Variants in ROBO2 observed in about 807,000 individuals in gnomAD.
ROBO2 encodes the protein roundabout homolog 2.
A neutral mutation model predicts 160.8 loss-of-function variants in ROBO2; 53 were observed. The observed-to-expected ratio is 0.33, with a 90% confidence interval of 0.26 to 0.41. ROBO2 has a LOEUF of 0.41. Among genes scored for constraint, ROBO2 ranks in the 10% least tolerant of loss-of-function variants. ROBO2 has a pLI of 1.00. For missense variants in ROBO2, 1,577 were observed against 1,722.4 expected (o/e 0.92, Z 1.49); for synonymous variants, 664 against 611.7 (o/e 1.09, Z -1.26).
chr3:76,365,879 T>A (rs1217285510), intron 2 of ROBO2, among the ~76,000 whole-genome samples: 1 of 152,200 alleles, frequency 6.6e-6, no homozygotes, highest in East Asian at 1.9e-4. Flanking sequence ...AGTGTTCTTT[T>A]CAAAACCAAA....
At chr3:76,062,222 A>G (rs745600533) in intron 2 of ROBO2, among the ~76,000 whole-genome samples, 5 of 152,196 alleles carry the variant, frequency 3.3e-5, no homozygotes, top group African/African-American at 1.2e-4. Flanking sequence ...TTTGAAAGGC[A>G]TAACTGATTT....
chr3:76,894,444 G>C (rs2074609263), intron 2 of ROBO2, among the ~76,000 whole-genome samples: 1 of 152,008 alleles, frequency 6.6e-6, no homozygotes, highest in Non-Finnish European at 1.5e-5. Flanking sequence ...ACGACATTGT[G>C]TTGATATATT....
intron 2 of ROBO2, among the ~76,000 whole-genome samples, chr3:76,423,267 G>A (rs544897645): frequency 7.2e-5 from 11 of 152,296 alleles, no homozygotes; most frequent in East Asian, 5.8e-4. Flanking sequence ...GCTGAGAAGC[G>A]CTCCATAACT....
intron 11 of ROBO2, 103 bp downstream of exon 12, chr3:77,563,432 C>A: frequency 1.8e-6 from 2 of 1,123,194 alleles, no homozygotes; most frequent in Non-Finnish European, 2.7e-6. Flanking sequence ...CATGTCCAAT[C>A]AATGCATTTT....
rs111886603 is a variant in ROBO2, at chr3:75,951,154, C to T, written c.109+13552C>T. On this transcript the variant is annotated intron_variant, in intron 2 of 26. Coordinates refer to the ROBO2 transcript ENST00000487694. ...ATTAACCATCCCCAATTTATCCCCC[C>T]TGTATGCGTGTATCAAAACATCACA... 6.3e-3 allele frequency among the ~76,000 whole-genome samples: 963 copies of T among 152,052 alleles called. 11 individuals carry two copies. Among genetic ancestry groups the T allele is most frequent in the African/African-American group, 0.023 (934 of 41,504 alleles).
chr3:76,415,307 C>G (rs3849487), intron 2 of ROBO2, among the ~76,000 whole-genome samples: 96,694 of 151,932 alleles, frequency 0.64, 31,323 homozygotes, highest in African/African-American at 0.77. Context: ...TGAAGGGTAA[C>G]AGAAATTATG....
chr3:76,355,133 G>A (rs2075087838), intron 2 of ROBO2, among the ~76,000 whole-genome samples: 1 of 151,346 alleles, frequency 6.6e-6, no homozygotes, highest in Non-Finnish European at 1.5e-5. Flanking sequence ...AAGCGACTTA[G>A]TTTCTGTCTT....
intron 2 of ROBO2, among the ~76,000 whole-genome samples, chr3:76,695,716 G>A (rs1275732275): frequency 6.6e-6 from 1 of 152,072 alleles, no homozygotes; most frequent in Non-Finnish European, 1.5e-5. Flanking sequence ...ACCATTCAGA[G>A]GGAGGTACCA....
chr3:77,045,531 T>C lies in ROBO2; in HGVS notation c.61+4685T>C, dbSNP rs374563609. 7.0e-4 allele frequency among the ~76,000 whole-genome samples: 107 copies of C among 152,338 alleles called. 4 individuals carry two copies. In the East Asian group the frequency reaches 0.012, roughly 18 times the overall value. On this transcript the variant is annotated intron_variant, in intron 1 of 25. Coordinates refer to ENST00000461745, the Ensembl canonical transcript of ROBO2. ...CTGACTACTTGACGTCTTTGCTTCA[T>C]GTCCAATGAGAATGTACAAAACTCA...
intron 2 of ROBO2, among the ~76,000 whole-genome samples, chr3:76,970,744 A>G (rs2059534289): frequency 6.6e-6 from 1 of 152,204 alleles, no homozygotes; most frequent in African/African-American, 2.4e-5. Flanking sequence ...AAATATACAC[A>G]TGTAAAAATG....
intron 2 of ROBO2, among the ~76,000 whole-genome samples, chr3:77,032,655 C>T (rs1240691475): frequency 6.6e-6 from 1 of 152,102 alleles, no homozygotes; most frequent in Non-Finnish European, 1.5e-5. Context: ...AGACACATTA[C>T]AAGACATCTG....
At chr3:77,477,442 C>T in exon 3 of ROBO2, 2 of 1,613,892 alleles carry the variant, frequency 1.2e-6, no homozygotes, top group African/African-American at 1.3e-5. Context: ...GACAAAACCC[C>T]ACAGATGTTG....
chr3:77,534,040 T>C (rs774444446), intron 6 of ROBO2, among the ~76,000 whole-genome samples: 37 of 152,158 alleles, frequency 2.4e-4, no homozygotes, highest in Admixed American at 5.2e-4. Flanking sequence ...ACAATGATGT[T>C]AGATAATTTT....
At chr3:77,432,555 A>G (rs2153542970) in intron 2 of ROBO2, among the ~76,000 whole-genome samples, 1 of 152,222 alleles carries the variant, frequency 6.6e-6, no homozygotes, top group East Asian at 1.9e-4. Flanking sequence ...TCACCCCCTG[A>G]TTTAATAAGT....
chr3:76,295,220 GA>G (rs527385661), intron 2 of ROBO2, among the ~76,000 whole-genome samples: 11 of 151,564 alleles, frequency 7.3e-5, no homozygotes, highest in East Asian at 3.9e-4. Context: ...ATTATTTATT[GA>G]AAAAAAAGTG....
chr3:76,104,161 A>G (rs1333867595), intron 2 of ROBO2, among the ~76,000 whole-genome samples: 4 of 152,196 alleles, frequency 2.6e-5, no homozygotes, highest in Non-Finnish European at 5.9e-5. Flanking sequence ...ACTTCTAGAG[A>G]CACCACATTT....
At chr3:77,607,896 G>A (rs1430421424) in exon 21 of ROBO2, 1 of 1,613,436 alleles carries the variant, frequency 6.2e-7, no homozygotes, top group African/African-American at 1.3e-5. Flanking sequence ...TCCCCCCCCA[G>A]TCCAGCCCCT....
At chr3:76,505,362 C>G (rs909426631) in intron 2 of ROBO2, among the ~76,000 whole-genome samples, 3 of 102,744 alleles carry the variant, frequency 2.9e-5, no homozygotes, top group African/African-American at 7.7e-5. Context: ...AAAGATAGTT[C>G]AGCATTTAAA....
At position 76,408,516 on chromosome 3, in the gene ROBO2, A is replaced by C. The variant is rs558578152; in HGVS notation, c.109+470914A>C. The stretch of plus-strand genomic sequence containing the variant: ...CTTACAAAAAGTATCTCATTTAAGA[A>C]AGCTTCAAAAAATATACTTAAGCAA... On this transcript the variant is annotated intron_variant, in intron 2 of 26. Transcript: ENST00000487694. 9.2e-5 allele frequency among the ~76,000 whole-genome samples: 14 copies of C among 152,238 alleles called. 1 individual carries two copies. Among genetic ancestry groups the C allele is most frequent in the African/African-American group, 3.1e-4 (13 of 41,574 alleles).
Sources: gnomAD v4.1 joint callset for allele counts (sites outside exome capture counted in the v4.1 genomes callset) on GRCh38, gnomAD v4.1.1 for gene constraint, MANE v1.5 for transcripts, NCBI Gene and HGNC (gene_info 2026-07-23, HGNC 2026-07-21) for gene names.